C19orf47: variants seen among roughly 807,000 people sequenced by gnomAD.
The protein encoded by C19orf47 is uncharacterized protein C19orf47.
A neutral mutation model predicts 32.3 loss-of-function variants in C19orf47; 18 were observed. The observed-to-expected ratio is 0.56, with a 90% confidence interval of 0.39 to 0.83. C19orf47 has a LOEUF of 0.83. Among genes scored for constraint, C19orf47 ranks in the 40% least tolerant of loss-of-function variants. The pLI, the probability that C19orf47 is intolerant of heterozygous loss-of-function variation, is 0.00. For missense variants in C19orf47, 484 were observed against 531.6 expected (o/e 0.91, Z 0.88); for synonymous variants, 202 against 211.1 (o/e 0.96, Z 0.37).
intron 2 of C19orf47, among the ~76,000 whole-genome samples, chr19:40,339,696 G>C (rs1486760583): frequency 1.3e-5 from 2 of 152,266 alleles, no homozygotes; most frequent in East Asian, 3.9e-4. Context: ...GGAAGGCCAG[G>C]AGCGGTGGCT....
intron 2 of C19orf47, among the ~76,000 whole-genome samples, chr19:40,340,804 C>T (rs890897121): frequency 1.3e-5 from 2 of 151,492 alleles, no homozygotes; most frequent in Admixed American, 6.6e-5. Flanking sequence ...CATGGTGAAA[C>T]CCCATCTCTA....
chr19:40,293,254 C>A, the C19orf47 span, among the ~76,000 whole-genome samples: 4 of 151,248 alleles, frequency 2.6e-5, no homozygotes, highest in African/African-American at 9.7e-5. Flanking sequence ...AATTCTCCTG[C>A]CTCAGCCTTC....
At chr19:40,325,685 G>A (rs2077814419) in intron 7 of C19orf47, among the ~76,000 whole-genome samples, 1 of 152,176 alleles carries the variant, frequency 6.6e-6, no homozygotes. Flanking sequence ...TGTTATGTAT[G>A]TACCTAGATG....
chr19:40,322,061 C>G lies in C19orf47; in HGVS notation c.979G>C (p.Glu327Gln). The change falls in exon 9 of 9, where the codon GAG (glutamate) becomes CAG (glutamine). Residue 327 changes from glutamate (E) to glutamine (Q), a missense_variant. Transcript: ENST00000683109. ...KRLGAAALVP[E>Q]AQDSQVTSTK... ...CTGGTGACCTGGCTGTCCTGGGCCT[C>G]GGGCACAAGGGCAGCTGCGCCCAGT... 1.9e-6 allele frequency: 3 copies of G among 1,614,176 alleles called. No homozygotes were observed. The highest frequency in any genetic ancestry group is 2.2e-5 in the South Asian group (2 of 91,088).
chr19:40,294,915 T>G, the C19orf47 span, among the ~76,000 whole-genome samples: 1 of 152,214 alleles, frequency 6.6e-6, no homozygotes, highest in South Asian at 2.1e-4. Context: ...GAAAGTCCAA[T>G]CCCAGTAGTG....
intron 4 of C19orf47, among the ~76,000 whole-genome samples, chr19:40,335,563 T>C (rs1002283435): frequency 1.3e-4 from 20 of 151,522 alleles, no homozygotes; most frequent in African/African-American, 4.6e-4. Context: ...TTGGGCAACA[T>C]GGCGAGACAC....
chr19:40,333,306 T>TAAATAAATAAATAAATAAAA (rs1250130712), intron 5 of C19orf47, among the ~76,000 whole-genome samples: 6 of 150,640 alleles, frequency 4.0e-5, no homozygotes, highest in African/African-American at 1.2e-4. Context: ...AATAAATAAA[T>TAAATAAATAAATAAATAAAA]AAAATGGCCC....
chr19:40,341,961 G>C, intron 1 of C19orf47, 71 bp from the exon 2 acceptor site: 1 of 1,535,026 alleles, frequency 6.5e-7, no homozygotes, highest in Non-Finnish European at 8.7e-7. Context: ...TCCTGTGCCT[G>C]TCTGTCTGCA....
Position 40,324,069 on chromosome 19 carries a change from A to T in C19orf47, c.600T>A (p.His200Gln). The T allele has an allele frequency of 6.2e-7, 1 of 1,614,194 alleles. No individual in the cohort carries two copies. The highest frequency in any genetic ancestry group is 8.5e-7 in the Non-Finnish European group (1 of 1,180,016). The change falls in exon 8 of 9, where the codon CAT (histidine) becomes CAA (glutamine). Residue 200 changes from histidine (H) to glutamine (Q), a missense_variant. Physicochemically the swap from His to Gln is conservative, Grantham distance 24. Around this residue, in one of 3 missense-constraint regions of C19orf47, gnomAD observed 376 missense variants for 370.2 expected, o/e 1.02. Transcript: ENST00000683109. ...CGAGGCGGTCAAACACAGACGTCCTATGGAGACCTGGGAGGGAAGTGAAGC... is the reference window on the plus strand; with the variant it reads ...CGAGGCGGTCAAACACAGACGTCCTTTGGAGACCTGGGAGGGAAGTGAAGC... ...LEQQQAAKGL[H>Q]RTSVFDRLGA...
chr19:40,297,331 C>T, the C19orf47 span, among the ~76,000 whole-genome samples: 2 of 152,058 alleles, frequency 1.3e-5, no homozygotes, highest in Non-Finnish European at 2.9e-5. Flanking sequence ...TTTGGGAGGC[C>T]AAGGTGGGCA....
chr19:40,348,358 C>T lies in C19orf47; in HGVS notation c.-68G>A. 2.9e-6 allele frequency: 4 copies of T among 1,397,378 alleles called. No individual in the cohort carries two copies. Among genetic ancestry groups the T allele is most frequent in the Non-Finnish European group, 3.7e-6 (4 of 1,075,920 alleles). The allele number at this position is 1,397,378 out of a possible 1,614,324, so 86.6% of individuals were successfully genotyped here. On this transcript the variant is annotated 5_prime_UTR_variant, in exon 1 of 9. Transcript: ENST00000683109. ...CGGGCCCGCGCCCACTCGCGCCGCC[C>T]GCCCTCCCTCCCGGCGGCGCCAACT...
At chr19:40,312,486 A>C in the C19orf47 span, among the ~76,000 whole-genome samples, 2 of 151,984 alleles carry the variant, frequency 1.3e-5, no homozygotes, top group Non-Finnish European at 2.9e-5. Flanking sequence ...CGGAGCTTGC[A>C]GTGAGCTGAG....
chr19:40,310,423 C>T, the C19orf47 span, among the ~76,000 whole-genome samples: 3 of 152,166 alleles, frequency 2.0e-5, no homozygotes, highest in African/African-American at 4.8e-5. Context: ...GGATCACAGG[C>T]GTGTGCCACC....
chr19:40,319,087 C>T (rs914854843), downstream of C19orf47, among the ~76,000 whole-genome samples: 1 of 151,772 alleles, frequency 6.6e-6, no homozygotes, highest in African/African-American at 2.4e-5. Context: ...GCCTGGCCAA[C>T]GTGGTGAAAC....
chr19:40,306,678 CAG>C, the C19orf47 span, among the ~76,000 whole-genome samples: 4 of 152,100 alleles, frequency 2.6e-5, no homozygotes, highest in South Asian at 8.3e-4. Flanking sequence ...GCTGGGATTA[CAG>C]GTGTGAGCCA....
At chr19:40,303,240 C>A in the C19orf47 span, among the ~76,000 whole-genome samples, 1 of 150,314 alleles carries the variant, frequency 6.7e-6, no homozygotes, top group African/African-American at 2.4e-5. Flanking sequence ...AAAAAAAAAA[C>A]AGGCCAGGCG....
the C19orf47 span, among the ~76,000 whole-genome samples, chr19:40,293,299 C>T: frequency 6.6e-6 from 1 of 151,652 alleles, no homozygotes; most frequent in Non-Finnish European, 1.5e-5. Context: ...CACCATGCCA[C>T]CACGCCTGGC....
At chr19:40,299,733 A>T in the C19orf47 span, 1 of 152,192 alleles carries the variant, frequency 6.6e-6, no homozygotes, top group Non-Finnish European at 1.5e-5. Flanking sequence ...ACCTCGAAAA[A>T]GAGAGACATT....
At chr19:40,342,115 C>A (rs2078189884) in intron 1 of C19orf47, 37 of 920,990 alleles carry the variant, frequency 4.0e-5, no homozygotes, top group Non-Finnish European at 4.7e-5. Flanking sequence ...ATGTCCACAG[C>A]TCCATTCACA....
Sources: allele counts gnomAD v4.1 joint callset (sites outside exome capture counted in the v4.1 genomes callset), GRCh38; gene constraint gnomAD v4.1.1; regional missense constraint gnomAD v4.1.1; transcripts MANE v1.5; gene names NCBI Gene and HGNC (gene_info 2026-07-23, HGNC 2026-07-21).